RD3: variants seen among roughly 807,000 people sequenced by gnomAD.
RD3 encodes protein RD3.
A neutral mutation model predicts 16.9 loss-of-function variants in RD3; 11 were observed. The ratio of observed to expected loss-of-function variants is 0.65; its 90% confidence interval spans 0.41 to 1.08. The LOEUF is 1.08. Among genes scored for constraint, RD3 ranks in the 50% least tolerant of loss-of-function variants. The probability of loss-of-function intolerance (pLI) is 0.00; values close to 1 mark genes in which losing one functional copy is unlikely to be tolerated. For synonymous variants in RD3, 116 were observed against 114.8 expected, an observed-to-expected ratio of 1.01 and a Z score of -0.07; for missense variants, 274 against 267.4, an observed-to-expected ratio of 1.02 and a Z score of -0.17.
rs533275364 is a variant in RD3, at chr1:211,477,483, G to C, written c.*1553C>G. The C allele has an allele frequency of 6.6e-6, 1 of 151,302 alleles. No homozygotes were observed. Among genetic ancestry groups the C allele is most frequent in the Admixed American group, 6.6e-5 (1 of 15,166 alleles). 9.4% of individuals were successfully genotyped at this position (151,302 alleles called of 1,614,324 possible). ...AAAAAAAAAAAAGTTTGGCAACCAA[G>C]TGAACTTTTTATGTCTTCAAATAAA... On this transcript the variant is annotated 3_prime_UTR_variant, in exon 3 of 3. Coordinates refer to ENST00000680073, the MANE Select transcript of RD3 (RefSeq NM_001164688.2).
intron 1 of RD3, among the ~76,000 whole-genome samples, chr1:211,481,644 G>A (rs577026866): frequency 2.6e-5 from 4 of 152,342 alleles, no homozygotes; most frequent in Non-Finnish European, 4.4e-5. Flanking sequence ...AAGCAGTTGT[G>A]AATAAACTTT....
rs759673196 is a variant in RD3, at chr1:211,478,999, C to G, written c.*37G>C. ...GGTCACCGGCCTATCATTCCCCCTGCAGAAGGCTCCGCTTCTGGGCAGGGA... is the reference window on the plus strand; with the variant it reads ...GGTCACCGGCCTATCATTCCCCCTGGAGAAGGCTCCGCTTCTGGGCAGGGA... On this transcript the variant is annotated 3_prime_UTR_variant, in exon 3 of 3. Coordinates refer to ENST00000680073, the MANE Select transcript of RD3 (RefSeq NM_001164688.2). 8.4e-6 allele frequency: 13 copies of G among 1,555,294 alleles called. No homozygotes were observed. The highest frequency in any genetic ancestry group is 1.1e-5 in the Non-Finnish European group (13 of 1,154,198).
Position 211,478,975 on chromosome 1 carries a change from G to T in RD3, c.*61C>A. On this transcript the variant is annotated 3_prime_UTR_variant, in exon 3 of 3. Coordinates refer to ENST00000680073, the MANE Select transcript of RD3 (RefSeq NM_001164688.2). ...GGAGGTTCCAGGGCCCGGCGCTCCG[G>T]TCACCGGCCTATCATTCCCCCTGCA... 1 of 1,470,428 alleles carries T rather than the reference G, an allele frequency of 6.8e-7. No homozygotes were observed. The highest frequency in any genetic ancestry group is 9.0e-7 in the Non-Finnish European group (1 of 1,105,382). 91.1% of individuals were successfully genotyped at this position (1,470,428 alleles called of 1,614,324 possible).
Position 211,481,276 on chromosome 1 carries a change from CGCTCCCGCTGCT to C in RD3, c.128_139del (p.Gln43_Glu46del), listed in dbSNP as rs1558179744. ...GCAGACCTTTCTGACCGCATTGCTG[CGCTCCCGCTGCT>C]GCCTCTCAGCCTCTCGCATCTGCCC... On this transcript the variant is annotated inframe_deletion, in exon 2 of 3. Transcript: ENST00000680073. 1 of 1,614,254 alleles carries C rather than the reference CGCTCCCGCTGCT, an allele frequency of 6.2e-7. No individual in the cohort carries two copies. The highest frequency in any genetic ancestry group is 1.7e-5 in the Admixed American group (1 of 60,032).
chr1:211,489,607 A>C (rs1705445762), intron 1 of RD3, among the ~76,000 whole-genome samples: 1 of 148,354 alleles, frequency 6.7e-6, no homozygotes, highest in Non-Finnish European at 1.5e-5. Context: ...ATTTCAATAG[A>C]GCTTGTTTCC....
At chr1:211,489,147 T>C (rs1705433799) in intron 1 of RD3, among the ~76,000 whole-genome samples, 1 of 152,086 alleles carries the variant, frequency 6.6e-6, no homozygotes, top group Non-Finnish European at 1.5e-5. Flanking sequence ...TCAAATGAGA[T>C]TATGTCTTTG....
intron 1 of RD3, among the ~76,000 whole-genome samples, chr1:211,489,812 T>C (rs1453328086): frequency 2.0e-5 from 3 of 152,118 alleles, no homozygotes; most frequent in African/African-American, 7.2e-5. Flanking sequence ...TGAGCCTCCC[T>C]GTTTCAAGAG....
In RD3 at chr1:211,483,819, T is replaced by A. The variant is rs111674969; in HGVS notation, c.-11-2393A>T. On this transcript the variant is annotated intron_variant, in intron 1 of 2. Transcript: ENST00000680073. Reference sequence around the variant, plus strand: ...ACTGAATGTGTCACTTTCCCTGGAGTGTTTGTATTTTTAAAAGTCTATGGG... The same window carrying A: ...ACTGAATGTGTCACTTTCCCTGGAGAGTTTGTATTTTTAAAAGTCTATGGG... Among the ~76,000 whole-genome samples the A allele has an allele frequency of 8.2e-3, 1,241 of 151,766 alleles. 23 individuals carry two copies. The highest frequency in any genetic ancestry group is 0.028 in the African/African-American group (1,172 of 41,352).
Position 211,476,860 on chromosome 1 carries a change from C to T in RD3, c.*2176G>A, listed in dbSNP as rs1705157841. The T allele has an allele frequency of 6.6e-6, 1 of 152,134 alleles. No homozygotes were observed. The highest frequency in any genetic ancestry group is 2.4e-5 in the African/African-American group (1 of 41,394). The allele number at this position is 152,134 out of a possible 1,614,324, so 9.4% of individuals were successfully genotyped here. A position where few individuals can be genotyped will look rare whatever the true frequency, so the allele number is the denominator to read the frequency against. ...AGGGAAGGAGAAAAATAGACATTCT[C>T]TTATCCAGCCTCCTTTGAATCTCCC... On this transcript the variant is annotated 3_prime_UTR_variant, in exon 3 of 3. Transcript: ENST00000680073.
chr1:211,487,737 C>G (rs375239973), intron 1 of RD3, among the ~76,000 whole-genome samples: 3 of 152,214 alleles, frequency 2.0e-5, no homozygotes, highest in Non-Finnish European at 2.9e-5. Context: ...GCCTGGGCAT[C>G]GAGGCCTTGC....
chr1:211,478,337 T>C lies in RD3; in HGVS notation c.*699A>G. ...CCACAGGTAGGTAGAGATGTAGCCT[T>C]TGGACCTGTCCCTTCATAGCCCAGG... On this transcript the variant is annotated 3_prime_UTR_variant, in exon 3 of 3. Transcript: ENST00000680073. 2.5e-6 allele frequency: 1 copy of C among 396,688 alleles called. No individual in the cohort carries two copies. The highest frequency in any genetic ancestry group is 4.4e-6 in the Non-Finnish European group (1 of 225,458). 24.6% of individuals were successfully genotyped at this position (396,688 alleles called of 1,614,324 possible). A position where few individuals can be genotyped will look rare whatever the true frequency, so the allele number is the denominator to read the frequency against.
At position 211,478,779 on chromosome 1, in the gene RD3, G is replaced by C. The variant is rs937118711; in HGVS notation, c.*257C>G. 2.0e-6 allele frequency: 1 copy of C among 503,142 alleles called. No homozygotes were observed. Among genetic ancestry groups the C allele is most frequent in the African/African-American group, 1.9e-5 (1 of 51,564 alleles). 31.2% of individuals were successfully genotyped at this position (503,142 alleles called of 1,614,324 possible). On this transcript the variant is annotated 3_prime_UTR_variant, in exon 3 of 3. Coordinates refer to ENST00000680073, the MANE Select transcript of RD3 (RefSeq NM_001164688.2). ...CCAAAACCTTGAATCTGCCAGTTAG[G>C]GAAGGGGCTGCTCCTGCAGACTAGC...
chr1:211,489,662 T>G (rs1705446626), intron 1 of RD3, among the ~76,000 whole-genome samples: 1 of 152,020 alleles, frequency 6.6e-6, no homozygotes, highest in African/African-American at 2.4e-5. Flanking sequence ...GAAGCATTTT[T>G]CTAGGAACGT....
chr1:211,487,886 G>A (rs1162446635), intron 1 of RD3, among the ~76,000 whole-genome samples: 1 of 152,208 alleles, frequency 6.6e-6, no homozygotes, highest in Non-Finnish European at 1.5e-5. Context: ...ACTCCCTCAA[G>A]GAGTGTACAC....
chr1:211,483,570 A>G (rs895391769), intron 1 of RD3, among the ~76,000 whole-genome samples: 1 of 151,954 alleles, frequency 6.6e-6, no homozygotes, highest in African/African-American at 2.4e-5. Flanking sequence ...GGACGAAAGG[A>G]CGAACCATTA....
chr1:211,480,177 T>C (rs1055096269), intron 2 of RD3, among the ~76,000 whole-genome samples: 7 of 151,996 alleles, frequency 4.6e-5, no homozygotes, highest in African/African-American at 1.4e-4. Flanking sequence ...AGATACACTT[T>C]GGAGGCTTCC....
chr1:211,481,035 A>T (rs1572141448), intron 2 of RD3, 85 bp downstream of exon 2: 1 of 1,395,852 alleles, frequency 7.2e-7, no homozygotes, highest in East Asian at 2.4e-5. Context: ...CCCTGACTCT[A>T]GTCCTGGTGG....
rs35415066 is a variant in RD3 at position 211,488,532 on chromosome 1, C to CAAAAA, written c.-12+3231_-12+3235dup. Among the ~76,000 whole-genome samples, 175 of 107,736 alleles carry CAAAAA rather than the reference C, an allele frequency of 1.6e-3. 2 individuals carry two copies. The highest frequency in any genetic ancestry group is 5.7e-3 in the African/African-American group (155 of 27,324). The allele number at this position is 107,736 out of a possible 152,430, so 70.7% of individuals were successfully genotyped here. ...CCTAGGCGACAGAACAAGACTCTGT[C>CAAAAA]AAAAAAAAAAAAAAAAACCCACCTG... is the stretch of plus-strand genomic sequence containing the variant. On this transcript the variant is annotated intron_variant, in intron 1 of 2. Transcript: ENST00000680073.
Position 211,478,839 on chromosome 1 carries a change from C to T in RD3, c.*197G>A, listed in dbSNP as rs771870212. 4 of 602,702 alleles carry T rather than the reference C, an allele frequency of 6.6e-6. No homozygotes were observed. The highest frequency in any genetic ancestry group is 3.0e-5 in the Admixed American group (1 of 33,228). 37.3% of individuals were successfully genotyped at this position (602,702 alleles called of 1,614,324 possible). On this transcript the variant is annotated 3_prime_UTR_variant, in exon 3 of 3. Coordinates refer to ENST00000680073, the MANE Select transcript of RD3 (RefSeq NM_001164688.2). ...GGAGAGGGCGGTGCCGCTCTACGAC[C>T]TAACTCAGCTTTGTGGCCAGAGGAA...
Sources: allele counts gnomAD v4.1 joint callset (sites outside exome capture counted in the v4.1 genomes callset), GRCh38; gene constraint gnomAD v4.1.1; transcripts MANE v1.5; gene names NCBI Gene and HGNC (gene_info 2026-07-23, HGNC 2026-07-21).